The following CPNE4 variants were observed in gnomAD, a reference collection of about 807,000 sequenced individuals.
CPNE4 encodes copine-4.
Under a neutral mutation model 67.9 loss-of-function variants are expected in CPNE4, and 25 were observed. The ratio of observed to expected loss-of-function variants is 0.37; its 90% CI spans 0.27 to 0.51. The LOEUF is 0.51. CPNE4 is among the 20% of genes least tolerant of loss of function. The probability of loss-of-function intolerance (pLI) is 0.93; values close to 1 mark genes in which losing one functional copy is unlikely to be tolerated. For synonymous variants in CPNE4, 242 were observed against 244.9 expected, an observed-to-expected ratio of 0.99 and a Z score of 0.11; for missense variants, 464 against 690.8, an observed-to-expected ratio of 0.67 and a Z score of 3.68.
chr3:131,707,776 T>C (rs2081450352), intron 3 of CPNE4, among the ~76,000 whole-genome samples: 1 of 152,148 alleles, frequency 6.6e-6, no homozygotes, highest in Non-Finnish European at 1.5e-5. Context: ...AGTTCCCTCT[T>C]ACTCAAACCA....
intron 7 of CPNE4, among the ~76,000 whole-genome samples, chr3:131,594,851 A>G (rs140537609): frequency 8.3e-4 from 126 of 152,266 alleles, no homozygotes; most frequent in African/African-American, 2.9e-3. Context: ...AACTTAACTT[A>G]ATAGCAAAAC....
At chr3:131,717,853 G>GCCCCCTTTCTTTCCTCC (rs1553758810) in intron 3 of CPNE4, among the ~76,000 whole-genome samples, 1 of 81,160 alleles carries the variant, frequency 1.2e-5, no homozygotes, top group Non-Finnish European at 3.2e-5. Context: ...TTCCTTCCTC[G>GCCCCCTTTCTTTCCTCC]CTCCCTCCTT....
At chr3:131,717,878 C>CTTTTCT (rs1354811766) in intron 3 of CPNE4, among the ~76,000 whole-genome samples, 6 of 26,172 alleles carry the variant, frequency 2.3e-4, no homozygotes, top group South Asian at 1.4e-3. Flanking sequence ...TCTTTCTTTT[C>CTTTTCT]TTTCTTTCTT....
intron 10 of CPNE4, among the ~76,000 whole-genome samples, chr3:131,573,183 G>C (rs766254112): frequency 1.1e-4 from 17 of 152,050 alleles, no homozygotes; most frequent in Non-Finnish European, 2.1e-4. Context: ...GGGCTGTGGG[G>C]AGGAACTATT....
At chr3:131,673,940 G>T (rs972817624) in intron 6 of CPNE4, among the ~76,000 whole-genome samples, 2 of 152,054 alleles carry the variant, frequency 1.3e-5, no homozygotes, top group Admixed American at 1.3e-4. Context: ...CATGATACTA[G>T]CTGTGGGCTG....
chr3:131,912,479 T>A (rs150997029), intron 1 of CPNE4, among the ~76,000 whole-genome samples: 17 of 152,198 alleles, frequency 1.1e-4, no homozygotes, highest in Non-Finnish European at 2.4e-4. Context: ...GGGTGCTGGA[T>A]GTCTCTATCT....
At chr3:131,560,243 T>A (rs1329057183) in intron 11 of CPNE4, among the ~76,000 whole-genome samples, 1 of 152,006 alleles carries the variant, frequency 6.6e-6, no homozygotes, top group African/African-American at 2.4e-5. Flanking sequence ...CAATTTACAA[T>A]GAAGAAAACC....
chr3:132,038,304 C>G (rs1326311852), upstream of CPNE4, among the ~76,000 whole-genome samples: 1 of 152,126 alleles, frequency 6.6e-6, no homozygotes, highest in African/African-American at 2.4e-5. Context: ...ATGTTGCAAG[C>G]TGATGCAGGA....
At chr3:131,594,656 T>C (rs59940887) in intron 7 of CPNE4, among the ~76,000 whole-genome samples, 18,996 of 152,128 alleles carry the variant, frequency 0.12, 1,546 homozygotes, top group African/African-American at 0.23. Context: ...TTATTGGATA[T>C]AATGGTAAAA....
At chr3:131,558,697 C>T (rs183286986) in intron 11 of CPNE4, among the ~76,000 whole-genome samples, 11 of 151,896 alleles carry the variant, frequency 7.2e-5, no homozygotes, top group Non-Finnish European at 1.5e-4. Context: ...CATTAATAAA[C>T]GTAAAGAAAA....
chr3:131,884,404 A>G (rs1377230453), intron 2 of CPNE4, among the ~76,000 whole-genome samples: 1 of 152,126 alleles, frequency 6.6e-6, no homozygotes, highest in African/African-American at 2.4e-5. Flanking sequence ...AGAGATGGAG[A>G]TGCTTGTTTA....
intron 15 of CPNE4, 102 bp from the exon 16 acceptor site, chr3:131,535,431 C>G: frequency 1.7e-6 from 2 of 1,197,404 alleles, no homozygotes; most frequent in Non-Finnish European, 2.3e-6. Flanking sequence ...GTTTCATTCA[C>G]TTTCATTCAT....
At chr3:131,826,391 T>A (rs981499421) in intron 2 of CPNE4, among the ~76,000 whole-genome samples, 7 of 151,782 alleles carry the variant, frequency 4.6e-5, no homozygotes, top group Non-Finnish European at 1.0e-4. Context: ...AAAGATGGGG[T>A]CTCACTATAT....
intron 7 of CPNE4, among the ~76,000 whole-genome samples, chr3:131,606,194 C>G (rs1343869891): frequency 6.6e-6 from 1 of 152,160 alleles, no homozygotes; most frequent in African/African-American, 2.4e-5. Context: ...GATTTACTGA[C>G]AGACAGGAGG....
chr3:131,631,043 C>A (rs2079208228), intron 7 of CPNE4, among the ~76,000 whole-genome samples: 1 of 152,208 alleles, frequency 6.6e-6, no homozygotes, highest in Admixed American at 6.5e-5. Context: ...AGCATGAAAT[C>A]TCATTACTTG....
chr3:131,811,321 G>A (rs2084518305), intron 2 of CPNE4, among the ~76,000 whole-genome samples: 1 of 152,024 alleles, frequency 6.6e-6, no homozygotes, highest in Admixed American at 6.6e-5. Flanking sequence ...TCATGGAATT[G>A]TATACTTTAA....
chr3:131,630,190 T>C (rs955806020), intron 7 of CPNE4, among the ~76,000 whole-genome samples: 4 of 152,264 alleles, frequency 2.6e-5, no homozygotes, highest in African/African-American at 9.6e-5. Flanking sequence ...CCATCTATTC[T>C]ACCTGCCGGC....
At chr3:131,906,765 C>T (rs551086352) in intron 1 of CPNE4, among the ~76,000 whole-genome samples, 8 of 151,780 alleles carry the variant, frequency 5.3e-5, no homozygotes, top group African/African-American at 1.9e-4. Context: ...TGGGTATATA[C>T]CCAGTAATGG....
At chr3:131,928,750 G>A (rs1162699213) in intron 1 of CPNE4, among the ~76,000 whole-genome samples, 1 of 152,188 alleles carries the variant, frequency 6.6e-6, no homozygotes, top group Admixed American at 6.5e-5. Context: ...AGGCAAGACT[G>A]GTATAGATGG....
Sources: gnomAD v4.1 joint callset for allele counts (sites outside exome capture counted in the v4.1 genomes callset) on GRCh38, gnomAD v4.1.1 for gene constraint, MANE v1.5 for transcripts, NCBI Gene and HGNC (gene_info 2026-07-23, HGNC 2026-07-21) for gene names.